Variants in VWA8 observed in about 807,000 individuals in gnomAD.
The protein encoded by VWA8 is von Willebrand factor A domain containing 8.
Under a neutral mutation model 241.5 loss-of-function variants are expected in VWA8, and 221 were observed. The ratio of observed to expected loss-of-function variants is 0.91; its 90% CI spans 0.82 to 1.02. The LOEUF (loss-of-function observed/expected upper bound fraction) is 1.02, where lower values mean the gene tolerates loss of function less well. Ranked by LOEUF, VWA8 falls within the 50% of genes least tolerant of loss-of-function variation. The pLI is 0.00. For missense variants in VWA8, 2,322 were observed against 2,328.7 expected (o/e 1.00, Z 0.06); for synonymous variants, 852 against 827.1 (o/e 1.03, Z -0.52).
At chr13:41,841,975 A>T (rs1593810051) in intron 12 of VWA8, among the ~76,000 whole-genome samples, 1 of 150,436 alleles carries the variant, frequency 6.6e-6, no homozygotes, top group African/African-American at 2.4e-5. Flanking sequence ...ACCTCAAATG[A>T]GTTTTACTTA....
chr13:41,795,950 G>A (rs1869682140), intron 17 of VWA8, among the ~76,000 whole-genome samples: 1 of 151,936 alleles, frequency 6.6e-6, no homozygotes, highest in Non-Finnish European at 1.5e-5. Flanking sequence ...CTCAGAAGTT[G>A]ATGGAAAGAA....
intron 42 of VWA8, among the ~76,000 whole-genome samples, chr13:41,580,249 A>G (rs2044374278): frequency 6.6e-6 from 1 of 152,178 alleles, no homozygotes; most frequent in South Asian, 2.1e-4. Flanking sequence ...CAATATTTCT[A>G]CATCCACAAT....
intron 26 of VWA8, among the ~76,000 whole-genome samples, chr13:41,712,779 C>T (rs1230037551): frequency 6.6e-6 from 1 of 151,970 alleles, no homozygotes; most frequent in Non-Finnish European, 1.5e-5. Flanking sequence ...GATTCAAACA[C>T]ACAAATGTAC....
chr13:41,682,049 A>T (rs2045103309), intron 35 of VWA8, among the ~76,000 whole-genome samples: 1 of 152,208 alleles, frequency 6.6e-6, no homozygotes. Context: ...TTTCTGACTA[A>T]AACAGTTTTG....
chr13:41,820,403 T>C (rs573093207), intron 14 of VWA8, among the ~76,000 whole-genome samples: 12 of 152,246 alleles, frequency 7.9e-5, no homozygotes, highest in African/African-American at 2.2e-4. Flanking sequence ...ATCAGATGAG[T>C]ACTCTGAAGA....
chr13:41,698,214 G>T (rs2045227432), intron 29 of VWA8, among the ~76,000 whole-genome samples: 1 of 151,792 alleles, frequency 6.6e-6, no homozygotes, highest in Non-Finnish European at 1.5e-5. Flanking sequence ...GGGTATTTTT[G>T]GTCACTGCAG....
At chr13:41,837,857 T>C (rs932944769) in intron 12 of VWA8, among the ~76,000 whole-genome samples, 4 of 152,154 alleles carry the variant, frequency 2.6e-5, no homozygotes, top group Non-Finnish European at 5.9e-5. Flanking sequence ...AGAATAAAAA[T>C]AGCACTAATG....
intron 4 of VWA8, among the ~76,000 whole-genome samples, chr13:41,898,786 G>A (rs1359214856): frequency 1.9e-5 from 2 of 103,934 alleles, no homozygotes; most frequent in African/African-American, 3.9e-5. Context: ...GGCACTGCTG[G>A]GGGACCCAGT....
intron 39 of VWA8, among the ~76,000 whole-genome samples, chr13:41,609,341 G>A (rs899839827): frequency 6.6e-6 from 1 of 152,150 alleles, no homozygotes; most frequent in Non-Finnish European, 1.5e-5. Context: ...TGATGATAGC[G>A]AGGAATTATT....
intron 12 of VWA8, among the ~76,000 whole-genome samples, chr13:41,863,455 T>TATATATATATATTCA (rs1566485517): frequency 1.5e-4 from 13 of 87,182 alleles, no homozygotes; most frequent in Admixed American, 2.3e-4. Flanking sequence ...ATATATATAT[T>TATATATATATATTCA]CACACACACA....
intron 37 of VWA8, among the ~76,000 whole-genome samples, chr13:41,656,826 C>T (rs987509506): frequency 5.3e-5 from 8 of 152,264 alleles, no homozygotes; most frequent in African/African-American, 1.7e-4. Context: ...AAGGAGCTGG[C>T]TCTTGCTGTC....
At chr13:41,674,561 G>C (rs551480956) in intron 36 of VWA8, among the ~76,000 whole-genome samples, 1 of 152,184 alleles carries the variant, frequency 6.6e-6, no homozygotes, top group Non-Finnish European at 1.5e-5. Context: ...GCTTAGGTTG[G>C]AAGAGGGAAA....
chr13:41,843,087 C>G (rs1427506153), intron 12 of VWA8, among the ~76,000 whole-genome samples: 5 of 152,036 alleles, frequency 3.3e-5, no homozygotes, highest in African/African-American at 1.2e-4. Flanking sequence ...TACCAGAAAG[C>G]CAGAACTTAA....
chr13:41,860,515 A>T (rs1468678966), intron 12 of VWA8, among the ~76,000 whole-genome samples: 1 of 152,182 alleles, frequency 6.6e-6, no homozygotes, highest in African/African-American at 2.4e-5. Context: ...TGTATCAGGA[A>T]ATAGAAAGTC....
At chr13:41,571,664 G>A (rs1261195479) in intron 43 of VWA8, among the ~76,000 whole-genome samples, 2 of 152,228 alleles carry the variant, frequency 1.3e-5, no homozygotes, top group African/African-American at 4.8e-5. Context: ...ACATTGCCCA[G>A]GCTGGAGTGC....
chr13:41,919,346 G>A (rs1241799891), intron 2 of VWA8, among the ~76,000 whole-genome samples: 1 of 152,156 alleles, frequency 6.6e-6, no homozygotes, highest in Non-Finnish European at 1.5e-5. Context: ...GATTCCTGCA[G>A]TCCTCACAGG....
chr13:41,780,638 G>A (rs1593767547), intron 19 of VWA8, among the ~76,000 whole-genome samples: 1 of 152,070 alleles, frequency 6.6e-6, no homozygotes, highest in Non-Finnish European at 1.5e-5. Flanking sequence ...CAGCTAATTA[G>A]CTTCTCTAAC....
chr13:41,797,671 C>T (rs968433507), intron 17 of VWA8, among the ~76,000 whole-genome samples: 1 of 152,050 alleles, frequency 6.6e-6, no homozygotes, highest in African/African-American at 2.4e-5. Context: ...ATTTTTTGTT[C>T]ATCTTCTTCA....
chr13:41,726,427 A>G (rs1167001499), intron 24 of VWA8, among the ~76,000 whole-genome samples: 2 of 152,176 alleles, frequency 1.3e-5, no homozygotes, highest in African/African-American at 4.8e-5. Context: ...CTTGCTATAG[A>G]GAAGAGAAGT....
Sources: allele counts gnomAD v4.1 joint callset (sites outside exome capture counted in the v4.1 genomes callset), GRCh38; gene constraint gnomAD v4.1.1; transcripts MANE v1.5; gene names NCBI Gene and HGNC (gene_info 2026-07-23, HGNC 2026-07-21).